The following UBE2E2 variants were observed in gnomAD, a reference collection of about 807,000 sequenced individuals.
The protein encoded by UBE2E2 is ubiquitin-conjugating enzyme E2 E2.
A neutral mutation model predicts 24.7 loss-of-function variants in UBE2E2; 6 were observed. The ratio of observed to expected loss-of-function variants is 0.24; its 90% CI spans 0.13 to 0.48. The LOEUF is 0.48. Ranked by LOEUF, UBE2E2 falls within the 20% of genes least tolerant of loss-of-function variation. The probability of loss-of-function intolerance (pLI) is 0.99; values close to 1 mark genes in which losing one functional copy is unlikely to be tolerated. For synonymous variants in UBE2E2, 104 were observed against 83.6 expected, an observed-to-expected ratio of 1.24 and a Z score of -1.33; for missense variants, 169 against 245.0, an observed-to-expected ratio of 0.69 and a Z score of 2.07.
intron 3 of UBE2E2, among the ~76,000 whole-genome samples, chr3:23,241,747 A>C (rs1178655261): frequency 6.6e-6 from 1 of 152,172 alleles, no homozygotes; most frequent in Non-Finnish European, 1.5e-5. Context: ...TTAGAATGTG[A>C]ATATCTGAAA....
intron 5 of UBE2E2, among the ~76,000 whole-genome samples, chr3:23,548,308 G>C (rs1695568838): frequency 6.6e-6 from 1 of 151,980 alleles, no homozygotes; most frequent in Non-Finnish European, 1.5e-5. Context: ...TCTTTGTCTT[G>C]TTCCTATCAG....
At chr3:23,238,605 C>G (rs1559451613) in intron 3 of UBE2E2, among the ~76,000 whole-genome samples, 2 of 152,070 alleles carry the variant, frequency 1.3e-5, no homozygotes, top group Non-Finnish European at 1.5e-5. Flanking sequence ...TATCTCTTAC[C>G]TGAGATGCTT....
chr3:23,573,299 A>C (rs1337079618), intron 5 of UBE2E2, among the ~76,000 whole-genome samples: 1 of 152,232 alleles, frequency 6.6e-6, no homozygotes, highest in Non-Finnish European at 1.5e-5. Context: ...AGTGCAGTGA[A>C]TATAGAGAGC....
At chr3:23,319,829 C>G (rs566098867) in intron 3 of UBE2E2, among the ~76,000 whole-genome samples, 1 of 150,758 alleles carries the variant, frequency 6.6e-6, no homozygotes, top group Non-Finnish European at 1.5e-5. Flanking sequence ...AAAAGAACAA[C>G]AAAAAACAAA....
rs550426373 is a variant in UBE2E2 at position 23,571,014 on chromosome 3, G to A, written c.509-18720G>A. ...TTGCCAACATAACTCTTAATAAATG[G>A]ATAATTGGGACAAGATGCATGCTAG... is the stretch of plus-strand genomic sequence containing the variant. On this transcript the variant is annotated intron_variant, in intron 5 of 5. Coordinates refer to ENST00000396703, the MANE Select transcript of UBE2E2 (RefSeq NM_152653.4). 2.0e-5 allele frequency among the ~76,000 whole-genome samples: 3 copies of A among 152,098 alleles called. No individual in the cohort carries two copies. The East Asian group carries it at 5.8e-4, about 29-fold the overall frequency.
At chr3:23,331,519 G>GGTGGTGATT (rs1368760495) in intron 3 of UBE2E2, among the ~76,000 whole-genome samples, 8 of 151,986 alleles carry the variant, frequency 5.3e-5, no homozygotes, top group African/African-American at 1.9e-4. Flanking sequence ...AGGGGGGTAA[G>GGTGGTGATT]GTGGTGATTT....
chr3:23,282,394 A>G (rs187022454), intron 3 of UBE2E2, among the ~76,000 whole-genome samples: 1 of 152,296 alleles, frequency 6.6e-6, no homozygotes, highest in African/African-American at 2.4e-5. Flanking sequence ...CTATCTTATT[A>G]TGCATGATTT....
chr3:23,584,726 G>GTTTTTTTTTTTTTTT (rs1158915900), intron 5 of UBE2E2, among the ~76,000 whole-genome samples: 1 of 113,504 alleles, frequency 8.8e-6, no homozygotes. Context: ...GCTGTTTTTT[G>GTTTTTTTTTTTTTTT]TTTTTTTTTT....
intron 3 of UBE2E2, among the ~76,000 whole-genome samples, chr3:23,373,261 A>T: frequency 6.6e-6 from 1 of 152,216 alleles, no homozygotes. Flanking sequence ...ATGGAAAGGA[A>T]GGACGGCTGG....
intron 3 of UBE2E2, among the ~76,000 whole-genome samples, chr3:23,427,633 G>A (rs953166524): frequency 1.1e-4 from 17 of 152,138 alleles, no homozygotes; most frequent in African/African-American, 3.9e-4. Flanking sequence ...TGTCAGCATG[G>A]ATGAGAAGCA....
intron 3 of UBE2E2, among the ~76,000 whole-genome samples, chr3:23,269,890 G>T (rs1432638079): frequency 6.6e-6 from 1 of 152,202 alleles, no homozygotes; most frequent in South Asian, 2.1e-4. Flanking sequence ...GGAATAACAT[G>T]TTTCTCAGCC....
At chr3:23,362,452 A>T (rs6769173) in intron 3 of UBE2E2, among the ~76,000 whole-genome samples, 1 of 152,028 alleles carries the variant, frequency 6.6e-6, no homozygotes, top group Non-Finnish European at 1.5e-5. Flanking sequence ...ACCTTCAGTC[A>T]TGGGGCCTGG....
rs150584838 is a variant in UBE2E2, at chr3:23,320,000, A to G, written c.227+102688A>G. 1.1e-4 allele frequency among the ~76,000 whole-genome samples: 16 copies of G among 152,212 alleles called. No individual in the cohort carries two copies. In the East Asian group the frequency reaches 3.1e-3, roughly 29 times the overall value. ...TTCCCCAGTGGTGGACTTAGAGAAT[A>G]GTTTTCTTTCAAGAAGGAGACTTGT... On this transcript the variant is annotated intron_variant, in intron 3 of 5. Transcript: ENST00000396703.
chr3:23,270,697 T>G (rs1698217036), intron 3 of UBE2E2, among the ~76,000 whole-genome samples: 1 of 152,336 alleles, frequency 6.6e-6, no homozygotes, highest in Admixed American at 6.5e-5. Flanking sequence ...ACTGAATGGG[T>G]TATTACTGGC....
intron 3 of UBE2E2, among the ~76,000 whole-genome samples, chr3:23,366,924 A>G (rs1696272249): frequency 6.6e-6 from 1 of 152,194 alleles, no homozygotes; most frequent in Admixed American, 6.5e-5. Flanking sequence ...AATGAAAATT[A>G]GTGTTTATTG....
At chr3:23,527,444 A>G (rs1328693286) in intron 4 of UBE2E2, among the ~76,000 whole-genome samples, 1 of 152,170 alleles carries the variant, frequency 6.6e-6, no homozygotes, top group Non-Finnish European at 1.5e-5. Context: ...AATATATACT[A>G]TTTGGTCCTG....
chr3:23,403,734 G>A (rs998545568), intron 3 of UBE2E2, among the ~76,000 whole-genome samples: 1 of 147,900 alleles, frequency 6.8e-6, no homozygotes, highest in Admixed American at 6.8e-5. Context: ...TGAGGCTTGA[G>A]AATTGCTTGA....
intron 5 of UBE2E2, among the ~76,000 whole-genome samples, chr3:23,571,280 C>CTTTCTTTT (rs1696218039): frequency 2.0e-4 from 6 of 29,882 alleles, no homozygotes; most frequent in African/African-American, 5.1e-4. Context: ...GTGCTCCTTT[C>CTTTCTTTT]TTTTTTTTTT....
intron 4 of UBE2E2, among the ~76,000 whole-genome samples, chr3:23,501,677 G>C (rs2125457297): frequency 6.6e-6 from 1 of 152,272 alleles, no homozygotes; most frequent in South Asian, 2.1e-4. Flanking sequence ...GGTTGGATGG[G>C]ACAAAAATAG....
Sources: allele counts gnomAD v4.1 joint callset (sites outside exome capture counted in the v4.1 genomes callset), GRCh38; gene constraint gnomAD v4.1.1; transcripts MANE v1.5; gene names NCBI Gene and HGNC (gene_info 2026-07-23, HGNC 2026-07-21).